Variants in AOX1 observed in about 807,000 individuals in gnomAD.
The protein encoded by AOX1 is aldehyde oxidase.
AOX1 carries 153 observed loss-of-function variants against 169.5 expected under a neutral mutation model. That is an observed-to-expected ratio of 0.90 (90% CI 0.79 to 1.03). The LOEUF (loss-of-function observed/expected upper bound fraction) is 1.03. Among genes scored for constraint, AOX1 ranks in the 50% least tolerant of loss-of-function variants. AOX1 has a pLI of 0.00. For synonymous variants in AOX1, 562 were observed against 581.9 expected (o/e 0.97, Z 0.49); for missense variants, 1,656 against 1,663.9 (o/e 1.00, Z 0.08).
chr2:200,611,701 T>C (rs576669422), intron 13 of AOX1, among the ~76,000 whole-genome samples: 2 of 129,278 alleles, frequency 1.5e-5, no homozygotes, highest in Non-Finnish European at 3.2e-5. Flanking sequence ...TTCCTCGAAT[T>C]AGGAGATTTT....
At chr2:200,649,209 C>T (rs2035529754) in intron 25 of AOX1, among the ~76,000 whole-genome samples, 1 of 151,916 alleles carries the variant, frequency 6.6e-6, no homozygotes, top group Admixed American at 6.6e-5. Context: ...TCCGCCCCCA[C>T]CATGGATCCC....
chr2:200,665,668 G>T (rs551980927), intron 31 of AOX1, among the ~76,000 whole-genome samples: 4 of 152,302 alleles, frequency 2.6e-5, no homozygotes, highest in African/African-American at 9.6e-5. Context: ...CTGGCCTCAA[G>T]TGATCTGCCC....
At chr2:200,668,485 T>C (rs2035964865) in intron 32 of AOX1, 130 bp from the exon 33 acceptor site, 3 of 791,774 alleles carry the variant, frequency 3.8e-6, no homozygotes, top group Admixed American at 5.8e-5. Context: ...AGCAACATGC[T>C]CCAAGACACC....
intron 21 of AOX1, among the ~76,000 whole-genome samples, chr2:200,635,678 C>G (rs190473796): frequency 3.3e-5 from 5 of 152,098 alleles, no homozygotes; most frequent in Admixed American, 6.5e-5. Context: ...TGTCCTGTAC[C>G]CTACGCAGCA....
At chr2:200,590,119 C>T (rs1481662862) in intron 1 of AOX1, among the ~76,000 whole-genome samples, 1 of 152,118 alleles carries the variant, frequency 6.6e-6, no homozygotes, top group African/African-American at 2.4e-5. Flanking sequence ...CAGCCTTGTC[C>T]CTTCACATGC....
At chr2:200,593,047 G>T (rs1301596425) in intron 1 of AOX1, 99 bp from the exon 2 acceptor site, 7 of 889,030 alleles carry the variant, frequency 7.9e-6, no homozygotes, top group African/African-American at 1.6e-5. Context: ...ATGAGTAAAA[G>T]GGCTAATTAA....
At chr2:200,613,711 G>C (rs1305124974) in intron 14 of AOX1, 93 bp from the exon 15 acceptor site, 1 of 1,273,808 alleles carries the variant, frequency 7.9e-7, no homozygotes, top group Non-Finnish European at 1.1e-6. Flanking sequence ...CTTATTTCCT[G>C]TATTAAACTA....
At chr2:200,672,126 C>A (rs1259955641), downstream of AOX1, among the ~76,000 whole-genome samples, 1 of 152,150 alleles carries the variant, frequency 6.6e-6, no homozygotes, top group Non-Finnish European at 1.5e-5. Flanking sequence ...AGATTAATGG[C>A]TACCAGAGGC....
At chr2:200,660,276 TTC>T (rs1422806888) in intron 29 of AOX1, among the ~76,000 whole-genome samples, 2 of 152,226 alleles carry the variant, frequency 1.3e-5, no homozygotes, top group African/African-American at 2.4e-5. Flanking sequence ...TGGGAAAATT[TTC>T]TGTTAGAGAA....
intron 1 of AOX1, 37 bp downstream of exon 1, chr2:200,586,190 C>T (rs1388725967): frequency 8.5e-6 from 13 of 1,531,966 alleles, no homozygotes; most frequent in Middle Eastern, 1.9e-4. Flanking sequence ...CCCAGACCTG[C>T]GGCCAGGGCC....
At chr2:200,649,558 C>T (rs182265570) in intron 25 of AOX1, among the ~76,000 whole-genome samples, 114 of 152,280 alleles carry the variant, frequency 7.5e-4, no homozygotes, top group African/African-American at 2.6e-3. Context: ...TAAAATTCGG[C>T]GAACTTCCAC....
intron 1 of AOX1, among the ~76,000 whole-genome samples, chr2:200,588,791 T>C (rs1357314847): frequency 7.0e-6 from 1 of 142,758 alleles, no homozygotes; most frequent in Non-Finnish European, 1.5e-5. Context: ...GCTGGGACTA[T>C]GAAACTGCAA....
intron 29 of AOX1, 53 bp downstream of exon 29, chr2:200,660,122 G>T: frequency 7.1e-7 from 1 of 1,416,750 alleles, no homozygotes; most frequent in Non-Finnish European, 1.0e-6. Flanking sequence ...GGAGTGGGAG[G>T]AGAGCAAGAG....
chr2:200,636,594 A>G (rs372084198), intron 21 of AOX1, among the ~76,000 whole-genome samples: 1 of 152,224 alleles, frequency 6.6e-6, no homozygotes, highest in East Asian at 1.9e-4. Context: ...ACAAAAAAGT[A>G]TGAGTACAAA....
rs58206033 is a variant in AOX1 at position 200,676,599 on chromosome 2, C to CA, written c.487-262dup. On this transcript the variant is annotated intron_variant, in intron 4 of 4. Coordinates refer to the AOX1 transcript ENST00000439380. The stretch of plus-strand genomic sequence containing the variant: ...TGGGTGACAGAGTGAGACTACATCT[C>CA]AAAAAAAAAAAAAAAAAGAAGAAGA... 8.8e-3 allele frequency among the ~76,000 whole-genome samples: 859 copies of CA among 97,896 alleles called. 11 individuals carry two copies. The highest frequency in any genetic ancestry group is 0.022 in the African/African-American group (551 of 24,518). 64.2% of individuals were successfully genotyped at this position (97,896 alleles called of 152,430 possible).
chr2:200,657,186 ATATATTTTTTTTTTT>A (rs1263875475), intron 27 of AOX1, among the ~76,000 whole-genome samples: 3 of 65,780 alleles, frequency 4.6e-5, no homozygotes, highest in African/African-American at 2.0e-4. Flanking sequence ...ATATATATAT[ATATATTTTTTTTTTT>A]TTTTAATTAG....
intron 19 of AOX1, among the ~76,000 whole-genome samples, chr2:200,625,450 A>G (rs1056185543): frequency 4.6e-5 from 7 of 152,178 alleles, no homozygotes; most frequent in African/African-American, 1.7e-4. Flanking sequence ...CACTTCAACC[A>G]GCAGACTCGT....
At chr2:200,606,741 G>A (rs1366605666) in intron 10 of AOX1, among the ~76,000 whole-genome samples, 1 of 152,032 alleles carries the variant, frequency 6.6e-6, no homozygotes, top group African/African-American at 2.4e-5. Context: ...TCTCTTTGTA[G>A]CAATTGTGAA....
intron 27 of AOX1, among the ~76,000 whole-genome samples, chr2:200,657,190 A>ATATATATATTTTTTTTTT: frequency 7.6e-4 from 48 of 62,860 alleles, no homozygotes; most frequent in African/African-American, 9.5e-4. Context: ...ATATATATAT[A>ATATATATATTTTTTTTTT]TTTTTTTTTT....
Sources: gnomAD v4.1 joint callset for allele counts (sites outside exome capture counted in the v4.1 genomes callset) on GRCh38, gnomAD v4.1.1 for gene constraint, MANE v1.5 for transcripts, NCBI Gene and HGNC (gene_info 2026-07-23, HGNC 2026-07-21) for gene names.